CTNNA2: variants seen among roughly 807,000 people sequenced by gnomAD.
CTNNA2 encodes the protein catenin alpha 2, also known as catenin alpha-2.
In CTNNA2, 42 loss-of-function variants were observed where a neutral mutation model predicts 101.0. The ratio of observed to expected loss-of-function variants is 0.42; its 90% CI spans 0.32 to 0.54. The LOEUF is 0.54. Among genes scored for constraint, CTNNA2 ranks in the 20% least tolerant of loss-of-function variants. CTNNA2 has a pLI of 0.14. For missense variants in CTNNA2, 871 were observed against 1,223.1 expected (o/e 0.71, Z 4.29); for synonymous variants, 450 against 456.4 (o/e 0.99, Z 0.18).
intron 2 of CTNNA2, among the ~76,000 whole-genome samples, chr2:79,713,875 A>G (rs1276346444): frequency 4.6e-5 from 7 of 152,226 alleles, no homozygotes; most frequent in Admixed American, 3.9e-4. Flanking sequence ...AAAGCACCCA[A>G]GAATTTAAAT....
intron 9 of CTNNA2, among the ~76,000 whole-genome samples, chr2:80,433,603 C>G (rs1204085801): frequency 1.3e-5 from 2 of 152,000 alleles, no homozygotes; most frequent in Admixed American, 6.6e-5. Flanking sequence ...AAGCAGGGAA[C>G]CTGGTTGCCT....
intron 7 of CTNNA2, among the ~76,000 whole-genome samples, chr2:79,959,303 T>C (rs1350253618): frequency 6.6e-6 from 1 of 152,302 alleles, no homozygotes; most frequent in East Asian, 1.9e-4. Flanking sequence ...TATCTACTAC[T>C]CTAGTAATTC....
chr2:79,632,998 G>C (rs551875994), intron 1 of CTNNA2, among the ~76,000 whole-genome samples: 2 of 152,322 alleles, frequency 1.3e-5, no homozygotes, highest in East Asian at 3.9e-4. Flanking sequence ...GTGCTGGGCA[G>C]ATTTTCACTG....
chr2:80,494,143 T>C (rs1182905604), intron 9 of CTNNA2, among the ~76,000 whole-genome samples: 1 of 152,096 alleles, frequency 6.6e-6, no homozygotes, highest in Non-Finnish European at 1.5e-5. Flanking sequence ...AAAGGAGGCA[T>C]TGGAAAGTGG....
intron 2 of CTNNA2, among the ~76,000 whole-genome samples, chr2:79,662,826 C>G (rs752595808): frequency 3.3e-5 from 5 of 152,296 alleles, no homozygotes; most frequent in Non-Finnish European, 7.4e-5. Context: ...AAACAAAACT[C>G]TAAGTCTTTC....
chr2:79,354,552 A>G (rs1677463700), intron 3 of CTNNA2, among the ~76,000 whole-genome samples: 2 of 152,118 alleles, frequency 1.3e-5, no homozygotes. Context: ...CTCTTAAAAT[A>G]GCTATTTTGT....
At chr2:79,409,459 C>G (rs1678381829) in intron 4 of CTNNA2, among the ~76,000 whole-genome samples, 2 of 152,008 alleles carry the variant, frequency 1.3e-5, no homozygotes, top group Admixed American at 6.6e-5. Flanking sequence ...TTTAATCCAT[C>G]TTGAATTAAT....
chr2:79,903,689 A>G (rs1484635501), intron 6 of CTNNA2, among the ~76,000 whole-genome samples: 1 of 152,130 alleles, frequency 6.6e-6, no homozygotes, highest in Non-Finnish European at 1.5e-5. Flanking sequence ...AACACCTTTG[A>G]AAGGAGAGCA....
chr2:79,797,660 T>TTAAA (rs1675824596), intron 3 of CTNNA2, among the ~76,000 whole-genome samples: 1 of 121,832 alleles, frequency 8.2e-6, no homozygotes. Flanking sequence ...GACTCTGTCT[T>TTAAA]AAAAAAAAAA....
At chr2:79,375,077 C>T (rs1677952179) in intron 4 of CTNNA2, among the ~76,000 whole-genome samples, 1 of 152,036 alleles carries the variant, frequency 6.6e-6, no homozygotes, top group Non-Finnish European at 1.5e-5. Flanking sequence ...GTTTCATAGC[C>T]CGTAAATTGT....
chr2:79,788,848 A>G (rs1675049454), intron 3 of CTNNA2, among the ~76,000 whole-genome samples: 1 of 152,162 alleles, frequency 6.6e-6, no homozygotes, highest in South Asian at 2.1e-4. Context: ...TACATTCCAT[A>G]CTTAGTCTCC....
At chr2:80,571,708 G>A (rs1013464526) in intron 12 of CTNNA2, among the ~76,000 whole-genome samples, 1 of 151,962 alleles carries the variant, frequency 6.6e-6, no homozygotes, top group African/African-American at 2.4e-5. Context: ...TATATTGACT[G>A]TCCCCTGACT....
intron 4 of CTNNA2, among the ~76,000 whole-genome samples, chr2:79,502,589 G>A (rs539248990): frequency 6.6e-6 from 1 of 152,296 alleles, no homozygotes; most frequent in Non-Finnish European, 1.5e-5. Flanking sequence ...CTTATGAACT[G>A]ATAATCGTTG....
At chr2:80,347,701 T>G (rs1249931656) in intron 7 of CTNNA2, among the ~76,000 whole-genome samples, 2 of 152,158 alleles carry the variant, frequency 1.3e-5, no homozygotes, top group East Asian at 3.9e-4. Flanking sequence ...CTACTCAAAG[T>G]GTAGTTCCGG....
At chr2:80,020,991 ATC>A (rs1201354580) in intron 7 of CTNNA2, among the ~76,000 whole-genome samples, 6 of 119,466 alleles carry the variant, frequency 5.0e-5, no homozygotes, top group African/African-American at 2.3e-4. Flanking sequence ...ATGACCAATC[ATC>A]TTTTTTTTTT....
At chr2:79,210,434 C>T (rs1243599028) in intron 2 of CTNNA2, among the ~76,000 whole-genome samples, 1 of 151,962 alleles carries the variant, frequency 6.6e-6, no homozygotes, top group African/African-American at 2.4e-5. Context: ...GATCTGATTG[C>T]CTCTTGGGTG....
intron 2 of CTNNA2, among the ~76,000 whole-genome samples, chr2:79,291,571 C>G (rs892646953): frequency 5.3e-5 from 8 of 152,156 alleles, no homozygotes; most frequent in Non-Finnish European, 8.8e-5. Flanking sequence ...AAGTATTTCC[C>G]ATTACAGAGT....
chr2:79,453,137 C>A (rs534735312), intron 4 of CTNNA2, among the ~76,000 whole-genome samples: 1 of 152,186 alleles, frequency 6.6e-6, no homozygotes, highest in Admixed American at 6.5e-5. Context: ...TGGATATCAG[C>A]TATGTTTCAG....
chr2:79,635,328 A>T (rs1679953550), intron 1 of CTNNA2, among the ~76,000 whole-genome samples: 1 of 151,500 alleles, frequency 6.6e-6, no homozygotes, highest in South Asian at 2.1e-4. Context: ...GCTACTCGGG[A>T]GGCTGAGGCA....
Sources: gnomAD v4.1 joint callset for allele counts (sites outside exome capture counted in the v4.1 genomes callset) on GRCh38, gnomAD v4.1.1 for gene constraint, MANE v1.5 for transcripts, NCBI Gene and HGNC (gene_info 2026-07-23, HGNC 2026-07-21) for gene names.